PIK3C2B: variants seen among roughly 807,000 people sequenced by gnomAD.
PIK3C2B encodes phosphatidylinositol-4-phosphate 3-kinase catalytic subunit type 2 beta.
In PIK3C2B, 83 loss-of-function variants were observed where a neutral mutation model predicts 184.3. The observed-to-expected ratio is 0.45, with a 90% CI of 0.38 to 0.54. PIK3C2B has a LOEUF of 0.54. Among genes scored for constraint, PIK3C2B ranks in the 20% least tolerant of loss-of-function variants. PIK3C2B has a pLI of 0.00. For synonymous variants in PIK3C2B, 779 were observed against 837.6 expected (o/e 0.93, Z 1.21); for missense variants, 1,736 against 2,113.5 (o/e 0.82, Z 3.50).
chr1:204,480,449 G>A (rs1216037509), intron 1 of PIK3C2B, among the ~76,000 whole-genome samples: 1 of 152,154 alleles, frequency 6.6e-6, no homozygotes, highest in Non-Finnish European at 1.5e-5. Flanking sequence ...CCGATGAAGG[G>A]AGGCTGGCAT....
chr1:204,436,549 T>G (rs1168391285), intron 23 of PIK3C2B, among the ~76,000 whole-genome samples: 1 of 152,134 alleles, frequency 6.6e-6, no homozygotes, highest in Non-Finnish European at 1.5e-5. Flanking sequence ...CCAGCATTAT[T>G]CTTGGAGAAA....
At chr1:204,487,300 C>T (rs1346095328) in intron 1 of PIK3C2B, among the ~76,000 whole-genome samples, 2 of 152,166 alleles carry the variant, frequency 1.3e-5, no homozygotes, top group Non-Finnish European at 2.9e-5. Context: ...AGATAAATCT[C>T]GTTCCATTGC....
In PIK3C2B at chr1:204,445,964, C is replaced by A. The variant is rs1308841243; in HGVS notation, c.2670G>T (p.Leu890=). The change falls in exon 16 of 33, where the codon CTG becomes CTT. Residue 890 remains leucine, a synonymous_variant. Coordinates refer to ENST00000684373, the MANE Select transcript of PIK3C2B (RefSeq NM_001377334.1). Reference sequence around the variant, plus strand: ...CAGATGTTACAACTCACGTGGCATGCAGGAGCCCCAGGGCATCCTGGTGGT... The same window carrying A: ...CAGATGTTACAACTCACGTGGCATGAAGGAGCCCCAGGGCATCCTGGTGGT... The part of the protein sequence containing the change: ...HMNHQDALGL[L]HATFPDQEVR... 6.5e-6 allele frequency: 10 copies of A among 1,527,050 alleles called. No homozygotes were observed. The highest frequency in any genetic ancestry group is 8.9e-6 in the Non-Finnish European group (10 of 1,129,102). 94.6% of individuals were successfully genotyped at this position (1,527,050 alleles called of 1,614,324 possible).
At chr1:204,446,845 G>A (rs1182275023) in intron 15 of PIK3C2B, among the ~76,000 whole-genome samples, 2 of 152,118 alleles carry the variant, frequency 1.3e-5, no homozygotes, top group African/African-American at 2.4e-5. Flanking sequence ...ACACGCACAG[G>A]GCTGCGCAGG....
intron 4 of PIK3C2B, 141 bp from the exon 5 acceptor site, chr1:204,464,273 G>A (rs926798098): frequency 2.1e-5 from 24 of 1,166,452 alleles, no homozygotes; most frequent in Non-Finnish European, 2.6e-5. Flanking sequence ...GTAGTTCAGA[G>A]TTGAGGAAAG....
intron 1 of PIK3C2B, among the ~76,000 whole-genome samples, chr1:204,478,018 G>T (rs908085064): frequency 6.6e-6 from 1 of 152,132 alleles, no homozygotes; most frequent in Non-Finnish European, 1.5e-5. Context: ...AAGCAAGGCG[G>T]TGAAGAATAT....
At chr1:204,431,027 T>C (rs183582132) in intron 28 of PIK3C2B, among the ~76,000 whole-genome samples, 27 of 152,378 alleles carry the variant, frequency 1.8e-4, no homozygotes, top group Non-Finnish European at 2.9e-4. Flanking sequence ...CATTTTTAAG[T>C]GTACAGTTCT....
At chr1:204,462,313 G>T (rs955927360) in intron 5 of PIK3C2B, among the ~76,000 whole-genome samples, 1 of 152,074 alleles carries the variant, frequency 6.6e-6, no homozygotes, top group African/African-American at 2.4e-5. Context: ...TATCTGTGCA[G>T]CCCAGAGCCC....
At position 204,447,333 on chromosome 1, in the gene PIK3C2B, A is replaced by C. The variant is rs867602544; in HGVS notation, c.2489+103T>G. On this transcript the variant is annotated intron_variant, in intron 15 of 32. Coordinates refer to ENST00000684373, the MANE Select transcript of PIK3C2B (RefSeq NM_001377334.1). This position sits in a 1 kb window ranked among gnomAD's most constrained non-coding sequence, Gnocchi z 4.1. ...GCCTCCACTTCCTGCTGAGATGGCA[A>C]TGCCCACCCCTTCCCACCTCCACTC... 3 of 1,156,450 alleles carry C rather than the reference A, an allele frequency of 2.6e-6. No individual in the cohort carries two copies. The highest frequency in any genetic ancestry group is 2.1e-5 in the Admixed American group (1 of 48,392). 71.6% of individuals were successfully genotyped at this position (1,156,450 alleles called of 1,614,324 possible).
In PIK3C2B at chr1:204,424,909, C is replaced by T; in HGVS notation, c.4848G>A (p.Leu1616=). The stretch of plus-strand genomic sequence containing the variant: ...CGAACCAGCCGGTCTTCTCCTGAGC[C>T]AGGTCCAGCTCTCGCAGGCGGATGT... ...EVNIRLRELD[L]AQEKTGWFAL... is the part of the protein sequence containing the mutation. Residue 1616 remains leucine, a synonymous_variant, in exon 33 of 33, where the codon CTG becomes CTA. Coordinates refer to ENST00000684373, the MANE Select transcript of PIK3C2B (RefSeq NM_001377334.1). 6.2e-7 allele frequency: 1 copy of T among 1,614,230 alleles called. No homozygotes were observed. Among genetic ancestry groups the T allele is most frequent in the South Asian group, 1.1e-5 (1 of 91,086 alleles).
intron 15 of PIK3C2B, among the ~76,000 whole-genome samples, chr1:204,446,681 T>G (rs1020738145): frequency 1.3e-5 from 2 of 151,936 alleles, no homozygotes; most frequent in African/African-American, 4.8e-5. Context: ...TGAGATCAGG[T>G]GTCTAATGGG....
At chr1:204,490,780 A>G (rs75745090) in intron 1 of PIK3C2B, among the ~76,000 whole-genome samples, 1 of 151,972 alleles carries the variant, frequency 6.6e-6, no homozygotes, top group African/African-American at 2.4e-5. Context: ...AAAAAAAAAA[A>G]GGCAAGAATA....
intron 1 of PIK3C2B, among the ~76,000 whole-genome samples, chr1:204,477,638 G>A (rs1004609216): frequency 3.9e-5 from 6 of 152,190 alleles, no homozygotes; most frequent in African/African-American, 1.4e-4. Context: ...AGGAGCCCAG[G>A]GGCCACCACT....
chr1:204,464,593 C>T lies in PIK3C2B; in HGVS notation c.1046G>A (p.Gly349Asp), dbSNP rs1655602082. The change falls in exon 4 of 33, where the codon GGC (glycine) becomes GAC (aspartate). Residue 349 changes from glycine (G) to aspartate (D), a missense_variant. Coordinates refer to ENST00000684373, the MANE Select transcript of PIK3C2B (RefSeq NM_001377334.1). ...GAGGAAGTAGTCTTGGATGTCAGAG[C>T]CAGATCGAAGGCTGTACAGGAAGAA... ...FCHMLDILRS[G>D]SDIQDYFLTG... The T allele has an allele frequency of 6.2e-7, 1 of 1,613,850 alleles. No individual in the cohort carries two copies. The highest frequency in any genetic ancestry group is 1.3e-5 in the African/African-American group (1 of 74,870).
intron 1 of PIK3C2B, among the ~76,000 whole-genome samples, chr1:204,483,798 G>T (rs924540791): frequency 1.3e-5 from 2 of 152,190 alleles, no homozygotes; most frequent in Non-Finnish European, 2.9e-5. Flanking sequence ...ACTAAGCAAA[G>T]GGTGAACCAC....
chr1:204,469,764 G>A lies in PIK3C2B; in HGVS notation c.39C>T (p.Ser13=). ...TGCGGCTGATGCCCACTGACTCCAG[G>A]GACTTCCAGTGTTCCCCATTGCCCT... is the stretch of plus-strand genomic sequence containing the variant. ...STQGNGEHWK[S]LESVGISRKE... is the part of the protein sequence containing the mutation. The change falls in exon 2 of 33, where the codon TCC becomes TCT. Residue 13 remains serine, a synonymous_variant. Coordinates refer to ENST00000684373, the MANE Select transcript of PIK3C2B (RefSeq NM_001377334.1). 6.2e-7 allele frequency: 1 copy of A among 1,613,962 alleles called. No homozygotes were observed. The highest frequency in any genetic ancestry group is 8.5e-7 in the Non-Finnish European group (1 of 1,179,940).
At chr1:204,484,423 G>C (rs1657426251) in intron 1 of PIK3C2B, among the ~76,000 whole-genome samples, 1 of 152,156 alleles carries the variant, frequency 6.6e-6, no homozygotes, top group Non-Finnish European at 1.5e-5. Flanking sequence ...TGGAAACCCA[G>C]GCACATCACA....
chr1:204,483,359 C>T (rs1048281829), intron 1 of PIK3C2B, among the ~76,000 whole-genome samples: 3 of 149,970 alleles, frequency 2.0e-5, no homozygotes, highest in South Asian at 4.3e-4. Flanking sequence ...AGACACTGCA[C>T]TCCAGCCTGG....
intron 1 of PIK3C2B, chr1:204,489,984 A>G: frequency 2.5e-6 from 1 of 397,084 alleles, no homozygotes; most frequent in Non-Finnish European, 4.4e-6. Context: ...CTTCCACTCA[A>G]GCTTCTTCCT....
Sources: gnomAD v4.1 joint callset for allele counts (sites outside exome capture counted in the v4.1 genomes callset) on GRCh38, gnomAD v4.1.1 for gene constraint, Gnocchi (gnomAD v3.1) non-coding constraint, MANE v1.5 for transcripts, NCBI Gene and HGNC (gene_info 2026-07-23, HGNC 2026-07-21) for gene names.